The following SLC19A3 variants were observed in gnomAD, a reference collection of about 807,000 sequenced individuals.
SLC19A3 encodes the protein solute carrier family 19 member 3, also known as thiamine transporter 2.
In SLC19A3, 31 loss-of-function variants were observed where a neutral mutation model predicts 40.2. The ratio of observed to expected loss-of-function variants is 0.77; its 90% confidence interval spans 0.58 to 1.04. The LOEUF (loss-of-function observed/expected upper bound fraction) is 1.04, where lower values mean the gene tolerates loss of function less well. Ranked by LOEUF, SLC19A3 falls within the 50% of genes least tolerant of loss-of-function variation. The pLI is 0.00. For missense variants in SLC19A3, 592 were observed against 596.7 expected (o/e 0.99, Z 0.08); for synonymous variants, 212 against 227.5 (o/e 0.93, Z 0.61).
At chr2:227,714,350 G>T (rs1369318117) in intron 1 of SLC19A3, 2 of 828,890 alleles carry the variant, frequency 2.4e-6, no homozygotes, top group Non-Finnish European at 2.9e-6. Context: ...CTAGGACAGG[G>T]CAATAAACCT....
intron 3 of SLC19A3, among the ~76,000 whole-genome samples, chr2:227,698,371 C>T (rs1695524026): frequency 6.6e-6 from 1 of 151,854 alleles, no homozygotes; most frequent in South Asian, 2.1e-4. Context: ...CCGTGTTAGC[C>T]AGGATGGTCT....
intron 1 of SLC19A3, among the ~76,000 whole-genome samples, chr2:227,707,405 T>C (rs1335720256): frequency 6.6e-6 from 1 of 151,960 alleles, no homozygotes; most frequent in Non-Finnish European, 1.5e-5. Flanking sequence ...AGCGACACGG[T>C]GAAACCCTGT....
rs6745885 is a variant in SLC19A3, at chr2:227,696,327, C to T, written c.980-246G>A. The stretch of plus-strand genomic sequence containing the variant: ...ATACTTTTAATTAGCATCAACTACA[C>T]GCCAGACACTGTATTCTGCAGAGGG... On this transcript the variant is annotated intron_variant, in intron 3 of 5. Coordinates refer to ENST00000644224, the MANE Select transcript of SLC19A3 (RefSeq NM_025243.4). Among the ~76,000 whole-genome samples, 2,902 of 152,230 alleles carry T rather than the reference C, an allele frequency of 0.019. 114 individuals carry two copies. The highest frequency in any genetic ancestry group is 0.066 in the African/African-American group (2,726 of 41,522).
chr2:227,692,841 A>G (rs1695285465), intron 4 of SLC19A3, among the ~76,000 whole-genome samples: 1 of 152,222 alleles, frequency 6.6e-6, no homozygotes, highest in African/African-American at 2.4e-5. Context: ...GAACTGATAA[A>G]TAAGTTCAGT....
At chr2:227,717,027 G>T (rs1278668512) in intron 1 of SLC19A3, among the ~76,000 whole-genome samples, 2 of 106,084 alleles carry the variant, frequency 1.9e-5, no homozygotes, top group Admixed American at 2.9e-4. Context: ...TTTTGAGGCA[G>T]AATCTTGCTG....
chr2:227,691,094 A>C (rs1002722720), intron 4 of SLC19A3, among the ~76,000 whole-genome samples: 13 of 152,210 alleles, frequency 8.5e-5, no homozygotes, highest in African/African-American at 3.1e-4. Context: ...CAATAGAATA[A>C]AACTAGAAAT....
intron 4 of SLC19A3, among the ~76,000 whole-genome samples, chr2:227,689,333 G>A (rs1695135954): frequency 6.6e-6 from 1 of 152,040 alleles, no homozygotes; most frequent in Non-Finnish European, 1.5e-5. Flanking sequence ...ACTCCCAAAG[G>A]TTAAGGATAA....
intron 1 of SLC19A3, chr2:227,706,415 C>T: frequency 8.1e-7 from 1 of 1,231,020 alleles, no homozygotes; most frequent in Non-Finnish European, 1.0e-6. Context: ...CATCTTCACC[C>T]ATTATTATAA....
intron 1 of SLC19A3, among the ~76,000 whole-genome samples, chr2:227,710,910 A>G (rs1055826693): frequency 6.6e-6 from 1 of 152,236 alleles, no homozygotes; most frequent in East Asian, 1.9e-4. Flanking sequence ...AAACAAAAAT[A>G]TTTGCTTTTA....
chr2:227,705,071 T>C (rs1290970097), intron 1 of SLC19A3, among the ~76,000 whole-genome samples: 1 of 151,884 alleles, frequency 6.6e-6, no homozygotes, highest in African/African-American at 2.4e-5. Flanking sequence ...AGAGATGGGG[T>C]TTTGCCATGT....
At chr2:227,710,601 T>TA (rs918779900) in intron 1 of SLC19A3, among the ~76,000 whole-genome samples, 7 of 151,568 alleles carry the variant, frequency 4.6e-5, no homozygotes, top group Admixed American at 1.3e-4. Context: ...CTTTAAATAT[T>TA]AAAAAAAAGA....
chr2:227,705,292 G>A (rs1695884512), intron 1 of SLC19A3, among the ~76,000 whole-genome samples: 1 of 151,774 alleles, frequency 6.6e-6, no homozygotes, highest in Non-Finnish European at 1.5e-5. Context: ...TATAGGACAC[G>A]GTACTAAGTT....
chr2:227,713,401 TAAAA>T (rs56014411), intron 1 of SLC19A3, among the ~76,000 whole-genome samples: 75 of 110,534 alleles, frequency 6.8e-4, no homozygotes, highest in Admixed American at 9.2e-4. Flanking sequence ...GACCCTGTTG[TAAAA>T]AAAAAAAAAA....
Position 227,717,983 on chromosome 2 carries a change from C to T in SLC19A3, c.-43G>A. 1.0e-6 allele frequency: 1 copy of T among 985,390 alleles called. No homozygotes were observed. The highest frequency in any genetic ancestry group is 1.2e-6 in the Non-Finnish European group (1 of 829,960). 61.0% of individuals were successfully genotyped at this position (985,390 alleles called of 1,614,324 possible). ...TCTGTTCACCAAATCGCTCACTTGCCGCACGACCACGCACCCGCGGCTGTC... is the reference window on the plus strand; with the variant it reads ...TCTGTTCACCAAATCGCTCACTTGCTGCACGACCACGCACCCGCGGCTGTC... On this transcript the variant is annotated 5_prime_UTR_variant, in exon 1 of 6. Transcript: ENST00000644224.
rs776587805 is a variant in SLC19A3 at position 227,699,063 on chromosome 2, C to T, written c.652G>A (p.Glu218Lys). 7 of 1,614,174 alleles carry T rather than the reference C, an allele frequency of 4.3e-6. No individual in the cohort carries two copies. Among genetic ancestry groups the T allele is most frequent in the Non-Finnish European group, 5.1e-6 (6 of 1,180,044 alleles). The change falls in exon 3 of 6, where the codon GAG becomes AAG. Residue 218 changes from glutamate to lysine, a missense_variant. By Grantham distance (56) the Glu-to-Lys change is moderately conservative (BLOSUM62 1). Coordinates refer to ENST00000644224, the MANE Select transcript of SLC19A3 (RefSeq NM_025243.4). The stretch of plus-strand genomic sequence containing the variant: ...GGTGCTTCACCTTCGTGAGTTTCCT[C>T]TAATACTGGATTCACGCTTGATGAC... ...KKSSSVNPVLEETHEGEAPGC... is the reference protein window; with the variant it reads ...KKSSSVNPVLKETHEGEAPGC...
chr2:227,697,004 G>T (rs61664804), intron 3 of SLC19A3, among the ~76,000 whole-genome samples: 6,376 of 152,218 alleles, frequency 0.042, 443 homozygotes, highest in African/African-American at 0.14. Context: ...GGCAGAGTTT[G>T]CAATGAGCTG....
chr2:227,709,870 A>G (rs1478271237), intron 1 of SLC19A3, among the ~76,000 whole-genome samples: 1 of 152,114 alleles, frequency 6.6e-6, no homozygotes, highest in Admixed American at 6.5e-5. Context: ...TATCTACAAT[A>G]GTGGTACCCA....
intron 1 of SLC19A3, among the ~76,000 whole-genome samples, chr2:227,709,484 A>C (rs1028798911): frequency 1.3e-5 from 2 of 152,156 alleles, no homozygotes; most frequent in African/African-American, 4.8e-5. Flanking sequence ...ACTCTGTCCC[A>C]AAAACAACAA....
intron 1 of SLC19A3, among the ~76,000 whole-genome samples, chr2:227,707,310 C>T (rs1378880450): frequency 6.6e-6 from 1 of 152,158 alleles, no homozygotes; most frequent in East Asian, 1.9e-4. Context: ...TTCAGCCAGG[C>T]GCGGTGGCTT....
Sources: gnomAD v4.1 joint callset for allele counts (sites outside exome capture counted in the v4.1 genomes callset) on GRCh38, gnomAD v4.1.1 for gene constraint, MANE v1.5 for transcripts, NCBI Gene and HGNC (gene_info 2026-07-23, HGNC 2026-07-21) for gene names.